TRPV4: variants seen among roughly 807,000 people sequenced by gnomAD.
TRPV4 encodes transient receptor potential cation channel subfamily V member 4.
TRPV4 carries 58 observed loss-of-function variants against 84.1 expected under a neutral mutation model. The ratio of observed to expected loss-of-function variants is 0.69; its 90% CI spans 0.56 to 0.86. The LOEUF is 0.86. TRPV4 is among the 40% of genes least tolerant of loss of function. The pLI is 0.00. For missense variants in TRPV4, 879 were observed against 1,181.1 expected (o/e 0.74, Z 3.75); for synonymous variants, 489 against 500.9 (o/e 0.98, Z 0.32).
Position 109,794,348 on chromosome 12 carries a change from T to G in TRPV4, c.1472A>C (p.Tyr491Ser), listed in dbSNP as rs531738577. The change falls in exon 8 of 16, where the codon TAC becomes TCC. Residue 491 changes from tyrosine to serine, a missense_variant. Tyr to Ser is a moderately radical substitution (Grantham distance 144, BLOSUM62 -2). Around this residue, in one of 4 missense-constraint regions of TRPV4, gnomAD observed 521 missense variants for 686.6 expected, o/e 0.76. Transcript: ENST00000261740. Reference sequence around the variant, plus strand: ...ACTCACTGTGCCCTCCAGCGGCTGGTAGTAGGCGGTGAGAGTGAAGATGAC... The same window carrying G: ...ACTCACTGTGCCCTCCAGCGGCTGGGAGTAGGCGGTGAGAGTGAAGATGAC... ...AMVIFTLTAYYQPLEGTPPYP... is the reference protein window; with the variant it reads ...AMVIFTLTAYSQPLEGTPPYP... The G allele has an allele frequency of 2.5e-6, 4 of 1,612,050 alleles. No homozygotes were observed. In the South Asian group the frequency reaches 3.3e-5, roughly 13 times the overall value.
intron 1 of TRPV4, among the ~76,000 whole-genome samples, chr12:109,827,069 G>A (rs958012029): frequency 5.9e-5 from 9 of 152,168 alleles, no homozygotes; most frequent in Non-Finnish European, 1.2e-4. Context: ...AGTGAAAGAC[G>A]GGCTTAGTCA....
At chr12:109,829,644 G>A (rs1892358675) in intron 1 of TRPV4, among the ~76,000 whole-genome samples, 1 of 152,198 alleles carries the variant, frequency 6.6e-6, no homozygotes, top group South Asian at 2.1e-4. Flanking sequence ...GAAGAGCTGT[G>A]CTTCAGAGCC....
chr12:109,795,453 T>C (rs1890328144), intron 7 of TRPV4, among the ~76,000 whole-genome samples: 1 of 152,212 alleles, frequency 6.6e-6, no homozygotes, highest in South Asian at 2.1e-4. Flanking sequence ...GAAGACCACC[T>C]GCACCCAGTC....
Position 109,796,415 on chromosome 12 carries a change from T to G in TRPV4, c.1332+110A>C. ...GCATTCAGCCAACAGACCCACCACGTTGGGTCCTAGAGGCTGGGGCTGTCT... is the reference window on the plus strand; with the variant it reads ...GCATTCAGCCAACAGACCCACCACGGTGGGTCCTAGAGGCTGGGGCTGTCT... On this transcript the variant is annotated intron_variant, in intron 7 of 15. Transcript: ENST00000261740. The surrounding 1 kb of genome is among the most constrained non-coding windows in gnomAD (Gnocchi z 4.2). 7.8e-7 allele frequency: 1 copy of G among 1,279,562 alleles called. No individual in the cohort carries two copies. The highest frequency in any genetic ancestry group is 1.1e-6 in the Non-Finnish European group (1 of 900,572). The allele number at this position is 1,279,562 out of a possible 1,614,324, so 79.3% of individuals were successfully genotyped here.
intron 2 of TRPV4, among the ~76,000 whole-genome samples, chr12:109,810,323 C>T (rs1891444010): frequency 6.6e-6 from 1 of 152,134 alleles, no homozygotes; most frequent in South Asian, 2.1e-4. Context: ...GATGGAGGCA[C>T]AGGGTCTGGG....
chr12:109,800,752 G>C lies in TRPV4; in HGVS notation c.719C>G (p.Thr240Arg). The change falls in exon 5 of 16, where the codon ACA (threonine) becomes AGA (arginine). Residue 240 changes from threonine (T) to arginine (R), a missense_variant. Thr to Arg is a moderately conservative substitution (Grantham distance 71). Around this residue, in one of 4 missense-constraint regions of TRPV4, gnomAD observed 521 missense variants for 686.6 expected, o/e 0.76. Coordinates refer to ENST00000261740, the MANE Select transcript of TRPV4 (RefSeq NM_021625.5). ...ACGCTCAATGGCGATGTGCAGGGCT[G>C]TCTGACCTGGGGGCAGGGGACGGTC... ...PFRDIYYRGQ[T>R]ALHIAIERRC... 1 of 1,613,556 alleles carries C rather than the reference G, an allele frequency of 6.2e-7. No homozygotes were observed. Among genetic ancestry groups the C allele is most frequent in the African/African-American group, 1.3e-5 (1 of 74,948 alleles).
At chr12:109,818,767 T>C (rs964885978) in intron 1 of TRPV4, among the ~76,000 whole-genome samples, 3 of 152,202 alleles carry the variant, frequency 2.0e-5, no homozygotes, top group African/African-American at 7.2e-5. Context: ...GATATGGTCC[T>C]GATTTACCTG....
intron 3 of TRPV4, among the ~76,000 whole-genome samples, chr12:109,807,276 CAAA>C (rs200798445): frequency 3.8e-4 from 41 of 107,372 alleles, no homozygotes; most frequent in East Asian, 6.0e-4. Context: ...AACTCTGTCT[CAAA>C]AAAAAAAAAA....
chr12:109,783,762 C>A lies in TRPV4; in HGVS notation c.2475G>T (p.Val825=). The A allele has an allele frequency of 3.7e-6, 6 of 1,612,620 alleles. No individual in the cohort carries two copies. The highest frequency in any genetic ancestry group is 8.5e-7 in the Non-Finnish European group (1 of 1,179,920). The change falls in exon 16 of 16, where the codon GTG becomes GTT. Residue 825 remains valine (V), a synonymous_variant. Transcript: ENST00000261740. This position sits in a 1 kb window ranked among gnomAD's most constrained non-coding sequence, Gnocchi z 4.6. The part of the protein sequence containing the change: ...GRLRRDRWSS[V]VPRVVELNKN... The stretch of plus-strand genomic sequence containing the variant: ...TGTTCAGTTCCACCACGCGGGGTAC[C>A]ACCGAGGACCAGCGATCTGCACCGA...
chr12:109,798,557 G>T lies in TRPV4; in HGVS notation c.1152+57C>A. On this transcript the variant is annotated intron_variant, in intron 6 of 15. Transcript: ENST00000261740. This position sits in a 1 kb window ranked among gnomAD's most constrained non-coding sequence, Gnocchi z 5.0. The stretch of plus-strand genomic sequence containing the variant: ...GAATACCAGCAGCAGACCCTCGTGT[G>T]TGTGTGCAGAGGGGTACGAGTAGGT... The T allele has an allele frequency of 6.3e-7, 1 of 1,585,476 alleles. No individual in the cohort carries two copies.
Position 109,786,725 on chromosome 12 carries a change from C to T in TRPV4, c.2321G>A (p.Arg774His), listed in dbSNP as rs768220461. The change falls in exon 14 of 16, where the codon CGC (arginine) becomes CAC (histidine). Residue 774 changes from arginine to histidine, a missense_variant. Arg to His is a conservative substitution (Grantham distance 29). Transcript: ENST00000261740. The surrounding 1 kb of genome is among the most constrained non-coding windows in gnomAD (Gnocchi z 4.5). The stretch of plus-strand genomic sequence containing the variant: ...CCAGCCTCACCTGAAGCACCACCTG[C>T]GGTCAGGAGTGCCGTCCGAGCTCTT... Reference protein sequence around the residue: ...VGKSSDGTPDRRWCFRVDEVN... With the variant: ...VGKSSDGTPDHRWCFRVDEVN... The T allele has an allele frequency of 7.4e-6, 12 of 1,613,728 alleles. No individual in the cohort carries two copies. Among genetic ancestry groups the T allele is most frequent in the Middle Eastern group, 1.6e-4 (1 of 6,084 alleles).
Position 109,796,017 on chromosome 12 carries a change from C to G in TRPV4, c.1332+508G>C, listed in dbSNP as rs113790863. ...CAAGCAATCCGCCCACCTTGGCTCC[C>G]CAAAATGCTAGAATTACAGGCATAA... On this transcript the variant is annotated intron_variant, in intron 7 of 15. Transcript: ENST00000261740. The surrounding 1 kb of genome is among the most constrained non-coding windows in gnomAD (Gnocchi z 4.2). Among the ~76,000 whole-genome samples, 3,460 of 152,088 alleles carry G rather than the reference C, an allele frequency of 0.023. 67 individuals carry two copies. The highest frequency in any genetic ancestry group is 0.056 in the African/African-American group (2,309 of 41,436).
Position 109,808,277 on chromosome 12 carries a change from G to A in TRPV4, c.559+19C>T. ...CACCCCTGGCTGTCCCACTGGCTATGCCCATCTGGGTGGCTCACCTCGAAA... is the reference window on the plus strand; with the variant it reads ...CACCCCTGGCTGTCCCACTGGCTATACCCATCTGGGTGGCTCACCTCGAAA... On this transcript the variant is annotated intron_variant, in intron 3 of 15. Transcript: ENST00000261740. 1 of 1,613,796 alleles carries A rather than the reference G, an allele frequency of 6.2e-7. No individual in the cohort carries two copies. Among genetic ancestry groups the A allele is most frequent in the Non-Finnish European group, 8.5e-7 (1 of 1,179,858 alleles).
chr12:109,817,701 G>A (rs1254447945), intron 1 of TRPV4, among the ~76,000 whole-genome samples: 1 of 152,228 alleles, frequency 6.6e-6, no homozygotes, highest in African/African-American at 2.4e-5. Flanking sequence ...TGATGACGTA[G>A]CTCAGGCTGT....
Position 109,792,801 on chromosome 12 carries a change from G to C in TRPV4, c.1675C>G (p.Leu559Val). ...TAGAGGGCTGCTGAGACGATCACCA[G>C]GACAGAGTAGATGAAGCTGCAGTGC... is the stretch of plus-strand genomic sequence containing the variant. ...FQLLYFIYSV[L>V]VIVSAALYLA... The change falls in exon 11 of 16, where the codon CTG (leucine) becomes GTG (valine). Residue 559 changes from leucine to valine, a missense_variant. Leu to Val is a conservative substitution (Grantham distance 32). This residue lies in a region of TRPV4 where 521 missense variants were observed against 686.6 expected (regional missense o/e 0.76). Transcript: ENST00000261740. 6.2e-7 allele frequency: 1 copy of C among 1,613,902 alleles called. No homozygotes were observed. The highest frequency in any genetic ancestry group is 8.5e-7 in the Non-Finnish European group (1 of 1,180,034).
intron 4 of TRPV4, among the ~76,000 whole-genome samples, 158 bp downstream of exon 4, chr12:109,802,833 T>A (rs1890882994): frequency 6.7e-6 from 1 of 149,082 alleles, no homozygotes; most frequent in South Asian, 2.2e-4. Context: ...TATCCATGCA[T>A]CCATGCATCC....
rs779127328 is a variant in TRPV4, at chr12:109,794,041, A to AC, written c.1492-20dup. On this transcript the variant is annotated intron_variant, in intron 8 of 15. Transcript: ENST00000261740. ...ACGGCGGCTGGGGAGCAGCAAGGGC[A>AC]CACAGGTCGTCACCCAGCCCCTCCA... 4 of 1,587,772 alleles carry AC rather than the reference A, an allele frequency of 2.5e-6. No homozygotes were observed. The highest frequency in any genetic ancestry group is 3.4e-6 in the Non-Finnish European group (4 of 1,167,386).
At chr12:109,811,116 C>T (rs984306978) in intron 2 of TRPV4, among the ~76,000 whole-genome samples, 1 of 152,168 alleles carries the variant, frequency 6.6e-6, no homozygotes. Context: ...CCCTTCATGA[C>T]CTTTAGCTTT....
chr12:109,784,550 C>T (rs1217882003), intron 14 of TRPV4, 113 bp from the exon 15 acceptor site: 2 of 1,532,560 alleles, frequency 1.3e-6, no homozygotes, highest in Non-Finnish European at 1.8e-6. Flanking sequence ...CATAACAAGG[C>T]TGGGCGTGGT....
Sources: gnomAD v4.1 joint callset for allele counts (sites outside exome capture counted in the v4.1 genomes callset) on GRCh38, gnomAD v4.1.1 for gene constraint, gnomAD v4.1.1 regional missense constraint, Gnocchi (gnomAD v3.1) non-coding constraint, MANE v1.5 for transcripts, NCBI Gene and HGNC (gene_info 2026-07-23, HGNC 2026-07-21) for gene names.